The following ZNF521 variants were observed in gnomAD, a reference collection of about 807,000 sequenced individuals.
ZNF521 encodes zinc finger protein 521.
Under a neutral mutation model 105.5 loss-of-function variants are expected in ZNF521, and 14 were observed. That is an observed-to-expected ratio of 0.13 (90% CI 0.09 to 0.21). The LOEUF is 0.21. Ranked by LOEUF, ZNF521 falls within the 10% of genes least tolerant of loss-of-function variation. The pLI, the probability that ZNF521 is intolerant of heterozygous loss-of-function variation, is 1.00. For synonymous variants in ZNF521, 635 were observed against 606.0 expected (o/e 1.05, Z -0.70); for missense variants, 1,233 against 1,629.7 (o/e 0.76, Z 4.19).
At chr18:25,187,256 G>A (rs2035742102) in intron 5 of ZNF521, among the ~76,000 whole-genome samples, 1 of 152,158 alleles carries the variant, frequency 6.6e-6, no homozygotes, top group Admixed American at 6.5e-5. Flanking sequence ...CTTAAAAGAT[G>A]TAGTTCCCCA....
chr18:25,352,061 G>A lies in ZNF521; in HGVS notation c.-58C>T. The A allele has an allele frequency of 2.0e-6, 1 of 498,420 alleles. No homozygotes were observed. The highest frequency in any genetic ancestry group is 4.0e-6 in the Non-Finnish European group (1 of 248,260). 30.9% of individuals were successfully genotyped at this position (498,420 alleles called of 1,614,324 possible). A position where few individuals can be genotyped will look rare whatever the true frequency, so the allele number is the denominator to read the frequency against. Reference sequence around the variant, plus strand: ...GTAGTCCACATAATAATGGAAAATGGAAGCAAGGCCCCCAAAGCCATCAGG... The same window carrying A: ...GTAGTCCACATAATAATGGAAAATGAAAGCAAGGCCCCCAAAGCCATCAGG... On this transcript the variant is annotated 5_prime_UTR_variant, in exon 1 of 8. Coordinates refer to ENST00000361524, the MANE Select transcript of ZNF521 (RefSeq NM_015461.3).
At position 25,062,710 on chromosome 18, in the gene ZNF521, C is replaced by T; in HGVS notation, c.*2G>A. On this transcript the variant is annotated 3_prime_UTR_variant, in exon 8 of 8. Transcript: ENST00000361524. ...AATTCTCCTTGAGAGACTGTACTTGCACTAACTGCTGTGTTGGGTCATTGT... is the reference window on the plus strand; with the variant it reads ...AATTCTCCTTGAGAGACTGTACTTGTACTAACTGCTGTGTTGGGTCATTGT... 2 of 1,384,992 alleles carry T rather than the reference C, an allele frequency of 1.4e-6. No homozygotes were observed. Among genetic ancestry groups the T allele is most frequent in the Non-Finnish European group, 1.9e-6 (2 of 1,053,134 alleles). 85.8% of individuals were successfully genotyped at this position (1,384,992 alleles called of 1,614,324 possible). A position where few individuals can be genotyped will look rare whatever the true frequency, so the allele number is the denominator to read the frequency against.
chr18:25,113,633 A>T (rs1175589636), intron 5 of ZNF521, among the ~76,000 whole-genome samples: 1 of 150,526 alleles, frequency 6.6e-6, no homozygotes, highest in African/African-American at 2.5e-5. Context: ...CAGAAAAAGA[A>T]AAAGGTTTGA....
intron 3 of ZNF521, chr18:25,301,809 T>C (rs1382850152): frequency 6.6e-6 from 1 of 152,210 alleles, no homozygotes; most frequent in African/African-American, 2.4e-5. Context: ...CAGATAAATA[T>C]CTGGTGCAAC....
intron 5 of ZNF521, among the ~76,000 whole-genome samples, chr18:25,139,354 C>CA (rs2034798769): frequency 1.0e-5 from 1 of 99,104 alleles, no homozygotes; most frequent in East Asian, 3.4e-4. Flanking sequence ...GCCTGGGCGA[C>CA]AGAGCAAGAC....
At chr18:25,126,161 G>A (rs1030549291) in intron 5 of ZNF521, among the ~76,000 whole-genome samples, 14 of 151,972 alleles carry the variant, frequency 9.2e-5, no homozygotes, top group South Asian at 2.1e-4. Flanking sequence ...GGTAATACAC[G>A]AGCAATTTTC....
intron 3 of ZNF521, among the ~76,000 whole-genome samples, chr18:25,317,614 T>C (rs561943752): frequency 6.6e-6 from 1 of 152,336 alleles, no homozygotes; most frequent in Non-Finnish European, 1.5e-5. Flanking sequence ...ATGTTAGTGC[T>C]GATTCTACGT....
At chr18:25,167,323 A>G (rs1465060124) in intron 5 of ZNF521, among the ~76,000 whole-genome samples, 2 of 152,234 alleles carry the variant, frequency 1.3e-5, no homozygotes, top group Non-Finnish European at 2.9e-5. Context: ...CACTTGTTTT[A>G]TGTAAGTGCT....
intron 3 of ZNF521, among the ~76,000 whole-genome samples, chr18:25,264,505 G>T (rs1909117536): frequency 6.6e-6 from 1 of 151,916 alleles, no homozygotes; most frequent in Non-Finnish European, 1.5e-5. Flanking sequence ...ATGATAATTT[G>T]ATTCATTTAT....
intron 3 of ZNF521, among the ~76,000 whole-genome samples, chr18:25,229,882 T>C (rs1231767043): frequency 6.6e-6 from 1 of 152,244 alleles, no homozygotes; most frequent in Non-Finnish European, 1.5e-5. Flanking sequence ...CAAGTGAATT[T>C]ATAATTAAAT....
At chr18:25,163,108 T>C (rs2035278381) in intron 5 of ZNF521, among the ~76,000 whole-genome samples, 1 of 152,206 alleles carries the variant, frequency 6.6e-6, no homozygotes, top group South Asian at 2.1e-4. Context: ...AGATCTAGAA[T>C]GCTTGCTTTC....
intron 5 of ZNF521, among the ~76,000 whole-genome samples, chr18:25,144,538 A>T (rs2034907721): frequency 6.6e-6 from 1 of 152,194 alleles, no homozygotes; most frequent in Non-Finnish European, 1.5e-5. Flanking sequence ...CTGGATACAT[A>T]TACATGGATT....
At chr18:25,078,882 C>T (rs912213631) in intron 7 of ZNF521, among the ~76,000 whole-genome samples, 9 of 152,160 alleles carry the variant, frequency 5.9e-5, no homozygotes, top group Non-Finnish European at 1.2e-4. Context: ...GTGCAGAGGG[C>T]GGGGGAGGTG....
Position 25,227,402 on chromosome 18 carries a change from C to T in ZNF521, c.516G>A (p.Lys172=), listed in dbSNP as rs1288969786. Residue 172 remains lysine, a synonymous_variant, in exon 4 of 8, where the codon AAG becomes AAA. Coordinates refer to ENST00000361524, the MANE Select transcript of ZNF521 (RefSeq NM_015461.3). The surrounding 1 kb of genome is among the most constrained non-coding windows in gnomAD (Gnocchi z 5.7). ...CATCACATTCACTGCAGTGGTACTT[C>T]TTGTCCCCGGTGTGGAGTTTTATGT... ...DRHIKLHTGD[K]KYHCSECDAA... The T allele has an allele frequency of 6.2e-7, 1 of 1,614,182 alleles. No individual in the cohort carries two copies. Among genetic ancestry groups the T allele is most frequent in the Non-Finnish European group, 8.5e-7 (1 of 1,180,026 alleles).
intron 5 of ZNF521, 114 bp downstream of exon 5, chr18:25,195,046 G>T: frequency 2.4e-6 from 2 of 846,570 alleles, no homozygotes; most frequent in Non-Finnish European, 3.6e-6. Flanking sequence ...AATCAATCAT[G>T]CCGAGGAAAA....
chr18:25,294,466 C>T (rs899524858), intron 3 of ZNF521, among the ~76,000 whole-genome samples: 3 of 152,192 alleles, frequency 2.0e-5, no homozygotes, highest in African/African-American at 4.8e-5. Context: ...TAGTAGCAAA[C>T]TCTGTTTTTC....
intron 4 of ZNF521, among the ~76,000 whole-genome samples, chr18:25,208,559 C>T (rs951800170): frequency 8.1e-5 from 12 of 148,820 alleles, no homozygotes; most frequent in African/African-American, 2.2e-4. Context: ...CTCCCTTAAA[C>T]CCACTTTTCT....
intron 3 of ZNF521, among the ~76,000 whole-genome samples, chr18:25,283,921 T>TC (rs1568054719): frequency 2.9e-4 from 23 of 78,486 alleles, no homozygotes; most frequent in African/African-American, 6.4e-4. Flanking sequence ...AGCCAATACT[T>TC]TCCCCCCCCC....
At chr18:25,350,024 TGGAGGAGGCGGCCGAGGA>T (rs1406035297) in intron 2 of ZNF521, among the ~76,000 whole-genome samples, 2 of 150,568 alleles carry the variant, frequency 1.3e-5, no homozygotes, top group Non-Finnish European at 3.0e-5. Context: ...CTCGCGAAGG[TGGAGGAGGCGGCCGAGGA>T]GGAGGAGGAG....
Sources: allele counts gnomAD v4.1 joint callset (sites outside exome capture counted in the v4.1 genomes callset), GRCh38; gene constraint gnomAD v4.1.1; non-coding constraint Gnocchi (gnomAD v3.1); transcripts MANE v1.5; gene names NCBI Gene and HGNC (gene_info 2026-07-23, HGNC 2026-07-21).